OTOP2: variants seen among roughly 807,000 people sequenced by gnomAD.
The protein encoded by OTOP2 is otopetrin 2, also known as proton channel OTOP2.
Under a neutral mutation model 47.4 loss-of-function variants are expected in OTOP2, and 41 were observed. The observed-to-expected ratio is 0.87, with a 90% CI of 0.67 to 1.12. OTOP2 has a LOEUF of 1.12. Ranked by LOEUF, OTOP2 falls within the 50% of genes most tolerant of loss-of-function variation. OTOP2 has a pLI of 0.00. For missense variants in OTOP2, 721 were observed against 752.2 expected, an observed-to-expected ratio of 0.96 and a Z score of 0.49; for synonymous variants, 328 against 319.6, an observed-to-expected ratio of 1.03 and a Z score of -0.28.
Position 74,933,457 on chromosome 17 carries a change from C to T in OTOP2, c.1601C>T (p.Ala534Val), listed in dbSNP as rs371281189. The T allele has an allele frequency of 1.6e-5, 26 of 1,614,038 alleles. No homozygotes were observed. Among genetic ancestry groups the T allele is most frequent in the African/African-American group, 8.0e-5 (6 of 74,938 alleles). ...EVDFYGYSLW[A>V]VIVNICLPFG... ...GATTTCTACGGCTACTCCCTCTGGG[C>T]GGTCATCGTCAACATCTGCCTCCCT... Residue 534 changes from alanine (A) to valine (V), a missense_variant, in exon 7 of 7, where the codon GCG (alanine) becomes GTG (valine). Physicochemically the swap from Ala to Val is moderately conservative, Grantham distance 64. Transcript: ENST00000331427. This position sits in a 1 kb window ranked among gnomAD's most constrained non-coding sequence, Gnocchi z 4.7.
chr17:74,933,363 C>T lies in OTOP2; in HGVS notation c.1519-12C>T. On this transcript the variant is annotated splice_polypyrimidine_tract_variant and intron_variant, in intron 6 of 6. Coordinates refer to ENST00000331427, the MANE Select transcript of OTOP2 (RefSeq NM_178160.3). The surrounding 1 kb of genome is among the most constrained non-coding windows in gnomAD (Gnocchi z 4.7). ...CCAGGCCAGCTCCTGAAATGCTCCT[C>T]TCTCCACACAGCTGTGGATCATGCC... The T allele has an allele frequency of 6.3e-7, 1 of 1,590,788 alleles. No homozygotes were observed.
chr17:74,931,984 T>G (rs2039064076), intron 6 of OTOP2, among the ~76,000 whole-genome samples: 1 of 145,136 alleles, frequency 6.9e-6, no homozygotes, highest in Admixed American at 6.8e-5. Context: ...AGCAATAGAC[T>G]TCACCCAATA....
rs1028709277 is a variant in OTOP2, at chr17:74,933,780, C to G, written c.*235C>G. On this transcript the variant is annotated 3_prime_UTR_variant, in exon 7 of 7. Transcript: ENST00000331427. The surrounding 1 kb of genome is among the most constrained non-coding windows in gnomAD (Gnocchi z 4.7). ...CATGAGGTGACTGGGGAAGGGAGAC[C>G]TCTCCTGGCAGCATTTCTAGGACCC... 7 of 448,348 alleles carry G rather than the reference C, an allele frequency of 1.6e-5. No individual in the cohort carries two copies. Among genetic ancestry groups the G allele is most frequent in the Non-Finnish European group, 2.8e-5 (7 of 253,546 alleles). 27.8% of individuals were successfully genotyped at this position (448,348 alleles called of 1,614,324 possible).
rs2039079192 is a variant in OTOP2, at chr17:74,933,532, A to G, written c.1676A>G (p.Tyr559Cys). Reference protein sequence around the residue: ...MHAVSSLLEVYVLS With the variant: ...MHAVSSLLEVCVLS ...GCTGTGTCCAGCCTGCTGGAGGTCT[A>G]CGTGCTGTCCTGAGGCCTCCAACAG... The change falls in exon 7 of 7, where the codon TAC becomes TGC. Residue 559 changes from tyrosine (Y) to cysteine (C), a missense_variant. By Grantham distance (194) the Tyr-to-Cys change is radical (BLOSUM62 -2). Transcript: ENST00000331427. This position sits in a 1 kb window ranked among gnomAD's most constrained non-coding sequence, Gnocchi z 4.7. 6.2e-7 allele frequency: 1 copy of G among 1,611,920 alleles called. No homozygotes were observed. Among genetic ancestry groups the G allele is most frequent in the South Asian group, 1.1e-5 (1 of 90,906 alleles).
At chr17:74,931,277 C>A in intron 6 of OTOP2, 124 bp downstream of exon 6, 1 of 1,329,352 alleles carries the variant, frequency 7.5e-7, no homozygotes, top group South Asian at 1.5e-5. Context: ...TTACAGCTCT[C>A]TAGGAAAGGA....
chr17:74,926,300 C>T (rs2039007763), intron 3 of OTOP2, among the ~76,000 whole-genome samples: 1 of 152,202 alleles, frequency 6.6e-6, no homozygotes, highest in Admixed American at 6.5e-5. Flanking sequence ...CACAGTTCAG[C>T]ACACATGTGG....
intron 5 of OTOP2, among the ~76,000 whole-genome samples, chr17:74,928,321 G>A (rs1320136732): frequency 1.3e-5 from 2 of 151,844 alleles, no homozygotes; most frequent in African/African-American, 4.9e-5. Context: ...CTCCAACCTC[G>A]GTGACAGAGT....
rs1333604966 is a variant in OTOP2, at chr17:74,931,033, G to T, written c.1398G>T (p.Leu466=). The stretch of plus-strand genomic sequence containing the variant: ...CCGCCTGCCCACCCAACCCCGGGCT[G>T]GTTAGCCCCAGCCCTTCAGACCAGC... ...TLSACPPNPG[L]VSPSPSDQRE... Residue 466 remains leucine (L), a synonymous_variant, in exon 6 of 7, where the codon CTG becomes CTT. Transcript: ENST00000331427. 1.2e-6 allele frequency: 2 copies of T among 1,614,040 alleles called. No homozygotes were observed. Among genetic ancestry groups the T allele is most frequent in the East Asian group, 2.2e-5 (1 of 44,900 alleles).
At chr17:74,928,788 T>C (rs1200980447) in intron 5 of OTOP2, among the ~76,000 whole-genome samples, 1 of 152,162 alleles carries the variant, frequency 6.6e-6, no homozygotes, top group Non-Finnish European at 1.5e-5. Context: ...GGTCCCCCAA[T>C]AGCCAGGACC....
rs2038982993 is a variant in OTOP2 at position 74,924,354 on chromosome 17, G to A, written c.-34+21G>A. 2.5e-6 allele frequency: 1 copy of A among 407,854 alleles called. No individual in the cohort carries two copies. The highest frequency in any genetic ancestry group is 4.3e-5 in the Admixed American group (1 of 23,502). The allele number at this position is 407,854 out of a possible 1,614,324, so 25.3% of individuals were successfully genotyped here. Reference sequence around the variant, plus strand: ...GCCAGGTGGGTGCCCCGGGCCGGAGGGCAGTCGGACTTGGGGAGTGGGGAC... The same window carrying A: ...GCCAGGTGGGTGCCCCGGGCCGGAGAGCAGTCGGACTTGGGGAGTGGGGAC... On this transcript the variant is annotated intron_variant, in intron 1 of 6. Transcript: ENST00000331427. This position sits in a 1 kb window ranked among gnomAD's most constrained non-coding sequence, Gnocchi z 7.7.
rs758183032 is a variant in OTOP2, at chr17:74,930,437, T to A, written c.802T>A (p.Phe268Ile). ...LYVMWKNVGR[F>I]LASTPGHSHT... is the part of the protein sequence containing the mutation. ...TGTCATGTGGAAGAATGTGGGTAGATTCCTGGCCTCCACCCCTGGCCACAG... is the reference window on the plus strand; with the variant it reads ...TGTCATGTGGAAGAATGTGGGTAGAATCCTGGCCTCCACCCCTGGCCACAG... Residue 268 changes from phenylalanine (F) to isoleucine (I), a missense_variant, in exon 6 of 7, where the codon TTC becomes ATC. Phe to Ile is a conservative substitution (Grantham distance 21). Transcript: ENST00000331427. This position sits in a 1 kb window ranked among gnomAD's most constrained non-coding sequence, Gnocchi z 4.0. 1.1e-5 allele frequency: 18 copies of A among 1,614,184 alleles called. 1 individual carries two copies. In the South Asian group the frequency reaches 2.0e-4, roughly 18 times the overall value.
intron 5 of OTOP2, among the ~76,000 whole-genome samples, chr17:74,928,657 C>T (rs2039030830): frequency 1.3e-5 from 2 of 152,140 alleles, no homozygotes; most frequent in African/African-American, 2.4e-5. Flanking sequence ...GCAGAGAGAG[C>T]TTAAGTAGCT....
Position 74,924,959 on chromosome 17 carries a change from T to G in OTOP2, c.313+14T>G, listed in dbSNP as rs1598590334. The G allele has an allele frequency of 6.5e-7, 1 of 1,539,878 alleles. No homozygotes were observed. Among genetic ancestry groups the G allele is most frequent in the Non-Finnish European group, 8.8e-7 (1 of 1,140,302 alleles). ...TCTGGCTCCGAGGTGCCAGGGGAGG[T>G]GGGGGCGAGGTAGGGTGGGCACAAC... On this transcript the variant is annotated intron_variant, in intron 2 of 6. Coordinates refer to ENST00000331427, the MANE Select transcript of OTOP2 (RefSeq NM_178160.3). The surrounding 1 kb of genome is among the most constrained non-coding windows in gnomAD (Gnocchi z 7.7).
chr17:74,927,272 A>G lies in OTOP2; in HGVS notation c.500A>G (p.Asp167Gly). 1 of 1,613,038 alleles carries G rather than the reference A, an allele frequency of 6.2e-7. No individual in the cohort carries two copies. Among genetic ancestry groups the G allele is most frequent in the Non-Finnish European group, 8.5e-7 (1 of 1,179,178 alleles). ...AAAGACTGCGTTCACGTCCACCTGG[A>G]TCTGACCTGGTGAGAACTGCAGCTC... ...SAKDCVHVHL[D>G]LTWCGLMFTL... Residue 167 changes from aspartate (D) to glycine (G), a missense_variant, in exon 4 of 7, where the codon GAT (aspartate) becomes GGT (glycine). Transcript: ENST00000331427.
intron 5 of OTOP2, among the ~76,000 whole-genome samples, chr17:74,928,995 C>T (rs1001959732): frequency 4.6e-5 from 7 of 152,138 alleles, no homozygotes; most frequent in African/African-American, 1.7e-4. Context: ...TGGAGAGAGG[C>T]CTGTCAGAGA....
rs2039041634 is a variant in OTOP2 at position 74,930,184 on chromosome 17, A to G, written c.644-95A>G. Reference sequence around the variant, plus strand: ...AGCATCAAGAGTGAAACTCCGTCTCAAAACAAAACAAAAAAAAAAAGGTCA... The same window carrying G: ...AGCATCAAGAGTGAAACTCCGTCTCGAAACAAAACAAAAAAAAAAAGGTCA... On this transcript the variant is annotated intron_variant, in intron 5 of 6. Coordinates refer to ENST00000331427, the MANE Select transcript of OTOP2 (RefSeq NM_178160.3). This position sits in a 1 kb window ranked among gnomAD's most constrained non-coding sequence, Gnocchi z 4.0. The G allele has an allele frequency of 2.1e-6, 3 of 1,417,782 alleles. No homozygotes were observed. The highest frequency in any genetic ancestry group is 2.8e-6 in the Non-Finnish European group (3 of 1,058,078). 87.8% of individuals were successfully genotyped at this position (1,417,782 alleles called of 1,614,324 possible). A position where few individuals can be genotyped will look rare whatever the true frequency, so the allele number is the denominator to read the frequency against.
At position 74,930,726 on chromosome 17, in the gene OTOP2, C is replaced by T. The variant is rs748804126; in HGVS notation, c.1091C>T (p.Thr364Met). 51 of 1,614,002 alleles carry T rather than the reference C, an allele frequency of 3.2e-5. No individual in the cohort carries two copies. Among genetic ancestry groups the T allele is most frequent in the Middle Eastern group, 1.6e-4 (1 of 6,084 alleles). ...RRAMDHHKNPTRTLDVALLMG... is the reference protein window; with the variant it reads ...RRAMDHHKNPMRTLDVALLMG... ...GCCATGGACCACCATAAGAACCCCA[C>T]GCGCACTCTGGACGTGGCCCTGCTG... The change falls in exon 6 of 7, where the codon ACG (threonine) becomes ATG (methionine). Residue 364 changes from threonine (T) to methionine (M), a missense_variant. Coordinates refer to ENST00000331427, the MANE Select transcript of OTOP2 (RefSeq NM_178160.3). This position sits in a 1 kb window ranked among gnomAD's most constrained non-coding sequence, Gnocchi z 4.0.
At chr17:74,927,187 G>A (rs2039015189) in intron 3 of OTOP2, 36 bp from the exon 4 acceptor site, 1 of 1,570,636 alleles carries the variant, frequency 6.4e-7, no homozygotes, top group Non-Finnish European at 8.8e-7. Context: ...GTCCATCTAT[G>A]GAGTAAATGA....
chr17:74,932,247 C>G (rs2039066781), intron 6 of OTOP2, among the ~76,000 whole-genome samples: 1 of 152,098 alleles, frequency 6.6e-6, no homozygotes, highest in South Asian at 2.1e-4. Flanking sequence ...AGAAAAATAT[C>G]CCTAATATAG....
Sources: gnomAD v4.1 joint callset for allele counts (sites outside exome capture counted in the v4.1 genomes callset) on GRCh38, gnomAD v4.1.1 for gene constraint, Gnocchi (gnomAD v3.1) non-coding constraint, MANE v1.5 for transcripts, NCBI Gene and HGNC (gene_info 2026-07-23, HGNC 2026-07-21) for gene names.